The following FBXW8 variants were observed in gnomAD, a reference collection of about 807,000 sequenced individuals.
FBXW8 encodes F-box/WD repeat-containing protein 8.
A neutral mutation model predicts 65.3 loss-of-function variants in FBXW8; 57 were observed. That is an observed-to-expected ratio of 0.87 (90% CI 0.71 to 1.09). The LOEUF is 1.09. FBXW8 is among the 50% of genes least tolerant of loss of function. FBXW8 has a pLI of 0.00. For synonymous variants in FBXW8, 308 were observed against 330.2 expected, an observed-to-expected ratio of 0.93 and a Z score of 0.73; for missense variants, 777 against 814.8, an observed-to-expected ratio of 0.95 and a Z score of 0.57.
chr12:116,929,101 C>T (rs542457570), intron 2 of FBXW8, among the ~76,000 whole-genome samples: 24 of 149,134 alleles, frequency 1.6e-4, no homozygotes, highest in Admixed American at 1.0e-3. Flanking sequence ...CCACCGCGCC[C>T]GGCCCCATTG....
In FBXW8 at chr12:117,021,033, A is replaced by C. The variant is rs144911906; in HGVS notation, c.1368-3114A>C. ...TGAGGTGCATGTGGTATTTGGTTGG[A>C]TATTGCCAAGTCACTCCCCAGAGAA... On this transcript the variant is annotated intron_variant, in intron 8 of 10. Coordinates refer to ENST00000652555, the MANE Select transcript of FBXW8 (RefSeq NM_153348.3). Among the ~76,000 whole-genome samples, 349 of 152,250 alleles carry C rather than the reference A, an allele frequency of 2.3e-3. 1 individual carries two copies. The highest frequency in any genetic ancestry group is 7.8e-3 in the African/African-American group (325 of 41,540).
intron 8 of FBXW8, among the ~76,000 whole-genome samples, chr12:117,010,941 G>C (rs1953791203): frequency 6.6e-6 from 1 of 152,198 alleles, no homozygotes; most frequent in Non-Finnish European, 1.5e-5. Flanking sequence ...TTTCTATTTA[G>C]CTGATTAGCA....
At position 117,027,420 on chromosome 12, in the gene FBXW8, G is replaced by A. The variant is rs1954258599; in HGVS notation, c.1568G>A (p.Ser523Asn). ...CACCCGGTGCAGCACATCTCATTCA[G>A]CAGCCACAGCCTCATCACGGCCAAC... The part of the protein sequence containing the change: ...SGHPVQHISF[S>N]SHSLITANVP... The change falls in exon 10 of 11, where the codon AGC (serine) becomes AAC (asparagine). Residue 523 changes from serine (S) to asparagine (N), a missense_variant. Physicochemically the swap from Ser to Asn is conservative, Grantham distance 46. Coordinates refer to ENST00000652555, the MANE Select transcript of FBXW8 (RefSeq NM_153348.3). 1.2e-6 allele frequency: 2 copies of A among 1,614,094 alleles called. No homozygotes were observed. The highest frequency in any genetic ancestry group is 3.3e-5 in the Admixed American group (2 of 60,016).
intron 2 of FBXW8, 50 bp from the exon 3 acceptor site, chr12:116,945,314 G>A: frequency 6.4e-7 from 1 of 1,574,246 alleles, no homozygotes; most frequent in African/African-American, 1.3e-5. Flanking sequence ...GATGACAAGG[G>A]GCTTCTCTAA....
chr12:116,981,220 C>T (rs1010970729), intron 5 of FBXW8, among the ~76,000 whole-genome samples: 33 of 152,330 alleles, frequency 2.2e-4, no homozygotes, highest in Middle Eastern at 3.4e-3. Context: ...GATAAATTGA[C>T]CATTTATAAA....
chr12:116,927,020 A>G (rs1025365517), intron 1 of FBXW8, among the ~76,000 whole-genome samples: 2 of 152,244 alleles, frequency 1.3e-5, no homozygotes, highest in South Asian at 2.1e-4. Flanking sequence ...ATTCGCTTGT[A>G]AGCAGTAAGT....
chr12:117,023,808 G>A (rs1037700156), intron 8 of FBXW8, among the ~76,000 whole-genome samples: 3 of 152,206 alleles, frequency 2.0e-5, no homozygotes, highest in African/African-American at 7.2e-5. Context: ...CAAAATTACT[G>A]TGCTGGGCAG....
In FBXW8 at chr12:117,029,716, TCTC is replaced by T. The variant is rs1163861021; in HGVS notation, c.*1547_*1549del. 1 of 152,054 alleles carries T rather than the reference TCTC, an allele frequency of 6.6e-6. No individual in the cohort carries two copies. The highest frequency in any genetic ancestry group is 2.4e-5 in the African/African-American group (1 of 41,376). The allele number at this position is 152,054 out of a possible 1,614,324, so 9.4% of individuals were successfully genotyped here. ...CCTCTGCCTCCCGAGTTCAAGCAAT[TCTC>T]CTGCCTCAGCCTCCTGAGTAGCTGG... On this transcript the variant is annotated 3_prime_UTR_variant, in exon 11 of 11. Transcript: ENST00000652555.
chr12:116,923,429 A>G (rs550814098), intron 1 of FBXW8, among the ~76,000 whole-genome samples: 2 of 152,350 alleles, frequency 1.3e-5, no homozygotes, highest in South Asian at 2.1e-4. Context: ...CATTGAAGGA[A>G]TACTAATATT....
chr12:116,965,952 G>T (rs1377867311), intron 5 of FBXW8, among the ~76,000 whole-genome samples: 1 of 143,804 alleles, frequency 7.0e-6, no homozygotes. Flanking sequence ...TTTAAGAGAT[G>T]GAGTTTTGCC....
chr12:116,997,696 G>T (rs888358212), intron 7 of FBXW8, among the ~76,000 whole-genome samples: 1 of 152,196 alleles, frequency 6.6e-6, no homozygotes, highest in Admixed American at 6.5e-5. Flanking sequence ...GTATATTCAG[G>T]CCTGCAGGAG....
intron 5 of FBXW8, among the ~76,000 whole-genome samples, chr12:116,979,968 G>A (rs1885199444): frequency 6.6e-6 from 1 of 152,072 alleles, no homozygotes; most frequent in Non-Finnish European, 1.5e-5. Context: ...CTCTCCAGGT[G>A]GGCATGTTCA....
intron 7 of FBXW8, among the ~76,000 whole-genome samples, chr12:116,994,477 C>T (rs1265174894): frequency 6.6e-6 from 1 of 152,218 alleles, no homozygotes. Context: ...CTCCTTCCCA[C>T]TCCCTCCAAC....
chr12:117,014,776 C>T (rs936585371), intron 8 of FBXW8, among the ~76,000 whole-genome samples: 4 of 152,156 alleles, frequency 2.6e-5, no homozygotes, highest in Non-Finnish European at 2.9e-5. Flanking sequence ...CTCTTAAAGC[C>T]GTTGCCGTCC....
chr12:117,024,813 CT>C, intron 9 of FBXW8, among the ~76,000 whole-genome samples: 1 of 152,146 alleles, frequency 6.6e-6, no homozygotes, highest in Middle Eastern at 3.2e-3. Context: ...GTTGCTTAGA[CT>C]TTCCTCATGC....
intron 2 of FBXW8, among the ~76,000 whole-genome samples, chr12:116,939,969 A>G (rs544927657): frequency 6.6e-6 from 1 of 152,366 alleles, no homozygotes; most frequent in South Asian, 2.1e-4. Flanking sequence ...CATGCCAAAA[A>G]TAAAACCATG....
At chr12:116,989,009 C>T in intron 7 of FBXW8, 140 bp downstream of exon 7, 1 of 749,632 alleles carries the variant, frequency 1.3e-6, no homozygotes, top group Non-Finnish European at 2.2e-6. Context: ...AATTCAAGAA[C>T]TTCAAAAGGA....
chr12:117,018,010 C>G (rs1179940705), intron 8 of FBXW8, among the ~76,000 whole-genome samples: 1 of 152,200 alleles, frequency 6.6e-6, no homozygotes, highest in Non-Finnish European at 1.5e-5. Flanking sequence ...TTTGCTCCAT[C>G]TGCAAGTGTT....
At chr12:117,018,731 G>A (rs998679188) in intron 8 of FBXW8, among the ~76,000 whole-genome samples, 1 of 152,158 alleles carries the variant, frequency 6.6e-6, no homozygotes, top group Non-Finnish European at 1.5e-5. Context: ...CACTGAGGCC[G>A]CATCTTTTGG....
Sources: gnomAD v4.1 joint callset for allele counts (sites outside exome capture counted in the v4.1 genomes callset) on GRCh38, gnomAD v4.1.1 for gene constraint, MANE v1.5 for transcripts, NCBI Gene and HGNC (gene_info 2026-07-23, HGNC 2026-07-21) for gene names.